EYS: variants seen among roughly 807,000 people sequenced by gnomAD.
The protein encoded by EYS is EGF-like photoreceptor maintenance factor, also known as protein eyes shut homolog.
Under a neutral mutation model 282.1 loss-of-function variants are expected in EYS, and 250 were observed. The ratio of observed to expected loss-of-function variants is 0.89; its 90% CI spans 0.80 to 0.98. The LOEUF (loss-of-function observed/expected upper bound fraction) is 0.98, where lower values mean the gene tolerates loss of function less well. Ranked by LOEUF, EYS falls within the 50% of genes least tolerant of loss-of-function variation. The pLI is 0.00. For missense variants in EYS, 4,016 were observed against 3,709.0 expected, an observed-to-expected ratio of 1.08 and a Z score of -2.15; for synonymous variants, 1,355 against 1,282.9, an observed-to-expected ratio of 1.06 and a Z score of -1.20.
At chr6:64,474,075 T>C (rs532524364) in intron 26 of EYS, among the ~76,000 whole-genome samples, 1 of 152,278 alleles carries the variant, frequency 6.6e-6, no homozygotes, top group African/African-American at 2.4e-5. Flanking sequence ...TCTTCTTTGA[T>C]CATCTGAACC....
chr6:64,851,831 A>T (rs1765895693), intron 19 of EYS, among the ~76,000 whole-genome samples: 1 of 152,062 alleles, frequency 6.6e-6, no homozygotes, highest in African/African-American at 2.4e-5. Context: ...AGGATCAGGA[A>T]AAATAACTAA....
chr6:64,198,547 A>G (rs1041222320), intron 31 of EYS, among the ~76,000 whole-genome samples: 2 of 151,066 alleles, frequency 1.3e-5, no homozygotes, highest in Non-Finnish European at 3.0e-5. Flanking sequence ...TCATTGTTCA[A>G]CTCCCACTTA....
intron 26 of EYS, among the ~76,000 whole-genome samples, chr6:64,502,211 C>G (rs964976571): frequency 7.8e-5 from 11 of 140,962 alleles, no homozygotes; most frequent in African/African-American, 2.8e-4. Context: ...CAGAACCAGA[C>G]AGCAGGCTGG....
intron 31 of EYS, among the ~76,000 whole-genome samples, chr6:64,117,331 C>T (rs926384921): frequency 3.4e-5 from 5 of 147,814 alleles, no homozygotes; most frequent in Non-Finnish European, 7.5e-5. Context: ...AGGAACAACC[C>T]CCCCCCCAAT....
At chr6:64,777,970 A>T (rs1773730653) in intron 22 of EYS, among the ~76,000 whole-genome samples, 1 of 152,136 alleles carries the variant, frequency 6.6e-6, no homozygotes, top group African/African-American at 2.4e-5. Flanking sequence ...TGAGATTCCA[A>T]CCCAATTAAA....
chr6:65,340,998 T>C (rs562853853), intron 10 of EYS, among the ~76,000 whole-genome samples: 1 of 151,096 alleles, frequency 6.6e-6, no homozygotes, highest in African/African-American at 2.4e-5. Flanking sequence ...TTCACAAATG[T>C]CATGTTTCTG....
intron 28 of EYS, among the ~76,000 whole-genome samples, chr6:64,398,594 C>T (rs1460861699): frequency 6.6e-6 from 1 of 151,832 alleles, no homozygotes; most frequent in African/African-American, 2.4e-5. Flanking sequence ...CATCCAAACA[C>T]ATTTATCCAG....
rs545254535 is a variant in EYS, at chr6:64,377,910, A to G, written c.6078+10780T>C. Reference sequence around the variant, plus strand: ...AATTACTTGTTATTGCTGTGCTTCAATTTCCTCAGCTGTAAAATATGGGTA... The same window carrying G: ...AATTACTTGTTATTGCTGTGCTTCAGTTTCCTCAGCTGTAAAATATGGGTA... On this transcript the variant is annotated intron_variant, in intron 29 of 42. Transcript: ENST00000503581. 6.6e-5 allele frequency: 10 copies of G among 152,224 alleles called. No individual in the cohort carries two copies. The East Asian group carries it at 1.9e-3, about 29-fold the overall frequency. The allele number at this position is 152,224 out of a possible 1,614,324, so 9.4% of individuals were successfully genotyped here.
chr6:64,086,044 T>A (rs1695615245), intron 31 of EYS, among the ~76,000 whole-genome samples: 1 of 152,192 alleles, frequency 6.6e-6, no homozygotes, highest in African/African-American at 2.4e-5. Context: ...TTTTGCAGAC[T>A]GTTTCTTCAA....
intron 41 of EYS, chr6:63,744,045 A>G (rs1422052237): frequency 6.6e-6 from 1 of 152,238 alleles, no homozygotes; most frequent in African/African-American, 2.4e-5. Context: ...TTTTGAAAAT[A>G]GTGAAGTACT....
rs9453334 is a variant in EYS, at chr6:65,580,206, T to G, written c.-333+59572A>C. On this transcript the variant is annotated intron_variant, in intron 2 of 42. Transcript: ENST00000503581. Reference sequence around the variant, plus strand: ...CAAAATCAACAAGTATATTCCAAGATTAATTCAGCAAAAGTGGAGTGTATT... The same window carrying G: ...CAAAATCAACAAGTATATTCCAAGAGTAATTCAGCAAAAGTGGAGTGTATT... 2.5e-3 allele frequency among the ~76,000 whole-genome samples: 385 copies of G among 152,254 alleles called. 1 individual carries two copies. Among genetic ancestry groups the G allele is most frequent in the African/African-American group, 8.9e-3 (371 of 41,574 alleles).
At chr6:64,692,682 G>A (rs1301035161) in intron 22 of EYS, among the ~76,000 whole-genome samples, 1 of 152,090 alleles carries the variant, frequency 6.6e-6, no homozygotes, top group African/African-American at 2.4e-5. Context: ...TGAATGGTAG[G>A]CATCCAGCTT....
At chr6:64,184,385 C>A (rs564623489) in intron 31 of EYS, among the ~76,000 whole-genome samples, 1 of 152,256 alleles carries the variant, frequency 6.6e-6, no homozygotes, top group Non-Finnish European at 1.5e-5. Context: ...TTAAAGTTTT[C>A]TTCTTTTTCA....
chr6:65,472,889 G>A (rs1000760740), intron 5 of EYS, among the ~76,000 whole-genome samples: 3 of 150,766 alleles, frequency 2.0e-5, no homozygotes, highest in Admixed American at 6.6e-5. Context: ...CTCTTATTTG[G>A]TATATCCTCT....
intron 12 of EYS, among the ~76,000 whole-genome samples, chr6:65,243,352 G>C (rs912628330): frequency 3.9e-5 from 6 of 152,182 alleles, no homozygotes; most frequent in African/African-American, 7.2e-5. Flanking sequence ...CACAGCAGCA[G>C]AGATCAGAGT....
rs954294205 is a variant in EYS at position 65,456,743 on chromosome 6, A to G, written c.862+33851T>C. Among the ~76,000 whole-genome samples, 7 of 152,262 alleles carry G rather than the reference A, an allele frequency of 4.6e-5. No homozygotes were observed. In the East Asian group the frequency reaches 1.4e-3, roughly 29 times the overall value. On this transcript the variant is annotated intron_variant, in intron 5 of 42. Transcript: ENST00000503581. ...GATAAAAAAAAAAACCTCACAACAA[A>G]TTAGAAGTATGTAACTTTATGCCTA...
At chr6:63,984,285 T>A (rs1767246019) in intron 35 of EYS, 98 bp downstream of exon 35, 1 of 806,874 alleles carries the variant, frequency 1.2e-6, no homozygotes, top group Admixed American at 2.6e-5. Flanking sequence ...TCTGGACTTG[T>A]CATTTTCGTC....
rs183640391 is a variant in EYS at position 65,650,598 on chromosome 6, G to T, written c.-447-10706C>A. On this transcript the variant is annotated intron_variant, in intron 1 of 42. Transcript: ENST00000503581. ...TCTCTGCTCGATCATTGACATCAAA[G>T]GCAAAAACGAATGATAAATTATTTT... Among the ~76,000 whole-genome samples the T allele has an allele frequency of 2.5e-3, 374 of 152,192 alleles. 2 individuals are homozygous for T. Among genetic ancestry groups the T allele is most frequent in the African/African-American group, 8.0e-3 (334 of 41,526 alleles).
At chr6:65,524,500 G>C (rs866028814) in intron 2 of EYS, among the ~76,000 whole-genome samples, 15 of 152,244 alleles carry the variant, frequency 9.9e-5, no homozygotes, top group Middle Eastern at 3.4e-3. Flanking sequence ...AGCATATACA[G>C]CCTTCTAGAG....
Sources: gnomAD v4.1 joint callset for allele counts (sites outside exome capture counted in the v4.1 genomes callset) on GRCh38, gnomAD v4.1.1 for gene constraint, MANE v1.5 for transcripts, NCBI Gene and HGNC (gene_info 2026-07-23, HGNC 2026-07-21) for gene names.